The following PROX1 variants were observed in gnomAD, a reference collection of about 807,000 sequenced individuals.
PROX1 encodes the protein prospero homeobox 1, also known as prospero homeobox protein 1.
PROX1 carries 7 observed loss-of-function variants against 58.8 expected under a neutral mutation model. The ratio of observed to expected loss-of-function variants is 0.12; its 90% CI spans 0.07 to 0.22. The LOEUF (loss-of-function observed/expected upper bound fraction) is 0.22. Ranked by LOEUF, PROX1 falls within the 10% of genes least tolerant of loss-of-function variation. PROX1 has a pLI of 1.00. For synonymous variants in PROX1, 350 were observed against 358.3 expected, an observed-to-expected ratio of 0.98 and a Z score of 0.26; for missense variants, 675 against 927.8, an observed-to-expected ratio of 0.73 and a Z score of 3.54.
At chr1:214,019,031 A>C (rs1477631530) in intron 4 of PROX1, among the ~76,000 whole-genome samples, 1 of 152,204 alleles carries the variant, frequency 6.6e-6, no homozygotes, top group Admixed American at 6.5e-5. Context: ...TCAGCTCCTC[A>C]AACAGACTTT....
intron 4 of PROX1, 63 bp downstream of exon 4, chr1:214,011,778 T>A (rs187340081): frequency 4.3e-6 from 6 of 1,380,648 alleles, no homozygotes. Flanking sequence ...TTTATTTTCT[T>A]TAGAAATGTA....
At chr1:213,987,024 CTG>C (rs1028164610), upstream of PROX1, among the ~76,000 whole-genome samples, 2 of 152,202 alleles carry the variant, frequency 1.3e-5, no homozygotes, top group Non-Finnish European at 2.9e-5. Context: ...GGCGTCAAAA[CTG>C]TGTAAATCCT....
At chr1:213,987,439 A>AC (rs993909435), upstream of PROX1, 7 of 132,640 alleles carry the variant, frequency 5.3e-5, no homozygotes, top group Non-Finnish European at 9.7e-5. Context: ...CACCCCTAAA[A>AC]CCCCCACTTT....
At chr1:214,032,015 A>G (rs375901000) in intron 4 of PROX1, among the ~76,000 whole-genome samples, 6 of 152,212 alleles carry the variant, frequency 3.9e-5, no homozygotes, top group East Asian at 3.9e-4. Context: ...TAAGCACTAT[A>G]TTAACTAATC....
chr1:213,998,793 GC>G (rs1185058013), intron 2 of PROX1, among the ~76,000 whole-genome samples: 2 of 152,202 alleles, frequency 1.3e-5, no homozygotes, highest in Non-Finnish European at 2.9e-5. Context: ...CTTAGGAAGA[GC>G]GCTTTACAAG....
chr1:213,995,381 T>C (rs546761600), intron 1 of PROX1, among the ~76,000 whole-genome samples: 5 of 152,314 alleles, frequency 3.3e-5, no homozygotes, highest in Admixed American at 2.6e-4. Flanking sequence ...GAAGTTCATA[T>C]ACAAAGAAAT....
At chr1:214,013,241 A>T (rs1663979043) in intron 4 of PROX1, among the ~76,000 whole-genome samples, 1 of 151,960 alleles carries the variant, frequency 6.6e-6, no homozygotes, top group Non-Finnish European at 1.5e-5. Flanking sequence ...TTAAAGTCTC[A>T]GTTGTAATAG....
At chr1:213,987,172 A>G (rs2102671516), upstream of PROX1, among the ~76,000 whole-genome samples, 1 of 152,286 alleles carries the variant, frequency 6.6e-6, no homozygotes, top group South Asian at 2.1e-4. Flanking sequence ...CCAAGGGTAA[A>G]TATTCCTCTT....
chr1:214,008,651 T>G (rs1663803973), intron 3 of PROX1, among the ~76,000 whole-genome samples: 1 of 152,056 alleles, frequency 6.6e-6, no homozygotes, highest in East Asian at 1.9e-4. Context: ...TCCACCTGGG[T>G]AAGAGGTAAA....
rs1341967593 is a variant in PROX1, at chr1:214,039,370, T to C, written c.*3536T>C. The C allele has an allele frequency of 1.3e-5, 2 of 152,176 alleles. No homozygotes were observed. The highest frequency in any genetic ancestry group is 2.9e-5 in the Non-Finnish European group (2 of 68,032). 9.4% of individuals were successfully genotyped at this position (152,176 alleles called of 1,614,324 possible). A position where few individuals can be genotyped will look rare whatever the true frequency, so the allele number is the denominator to read the frequency against. The stretch of plus-strand genomic sequence containing the variant: ...TTGCTTTGTGCCTCCGAGTATTATT[T>C]AATTAAAGAAGTGTTTTATGTTTGC... On this transcript the variant is annotated 3_prime_UTR_variant, in exon 5 of 5. Transcript: ENST00000366958.
chr1:213,999,230 T>G (rs1382969574), intron 2 of PROX1, among the ~76,000 whole-genome samples: 6 of 152,164 alleles, frequency 3.9e-5, no homozygotes, highest in Admixed American at 1.3e-4. Flanking sequence ...TCTCTCTGTA[T>G]ATCGGTTCTT....
intron 2 of PROX1, among the ~76,000 whole-genome samples, chr1:214,002,231 G>T (rs1663542797): frequency 6.6e-6 from 1 of 152,038 alleles, no homozygotes; most frequent in Admixed American, 6.5e-5. Flanking sequence ...TCCTCCCGTG[G>T]CTGCTGTTTA....
intron 4 of PROX1, among the ~76,000 whole-genome samples, chr1:214,015,415 G>A (rs894959709): frequency 6.6e-6 from 1 of 152,016 alleles, no homozygotes; most frequent in Non-Finnish European, 1.5e-5. Context: ...ACTTTGAAGG[G>A]CTTCCAAAAA....
intron 4 of PROX1, chr1:214,031,034 C>CGTGTGTGTGTGTGTGTGT (rs34640999): frequency 6.9e-6 from 1 of 145,496 alleles, no homozygotes; most frequent in African/African-American, 2.5e-5. Flanking sequence ...CCCAACACAC[C>CGTGTGTGTGTGTGTGTGT]GTGTGTGTGT....
intron 1 of PROX1, chr1:213,988,869 T>C (rs1433383066): frequency 1.3e-5 from 2 of 152,168 alleles, no homozygotes; most frequent in Non-Finnish European, 2.9e-5. Flanking sequence ...AGGAGGCGTT[T>C]GCTCCCTTTC....
In PROX1 at chr1:214,023,533, T is replaced by A. The variant is rs189000216; in HGVS notation, c.2028+11818T>A. On this transcript the variant is annotated intron_variant, in intron 4 of 4. Transcript: ENST00000366958. ...CACTATGCCCAGCCAGAATTGGCAG[T>A]TTTAGATGATATAACTACCTTCCCT... 9.7e-4 allele frequency among the ~76,000 whole-genome samples: 147 copies of A among 152,176 alleles called. 1 individual carries two copies. Among genetic ancestry groups the A allele is most frequent in the African/African-American group, 3.3e-3 (138 of 41,522 alleles).
chr1:214,005,570 A>T (rs1663679365), intron 3 of PROX1, among the ~76,000 whole-genome samples: 1 of 152,134 alleles, frequency 6.6e-6, no homozygotes, highest in Non-Finnish European at 1.5e-5. Flanking sequence ...CTGGTAATGG[A>T]TGGGTGTGCT....
At chr1:214,017,430 T>C (rs1461698074) in intron 4 of PROX1, among the ~76,000 whole-genome samples, 1 of 152,170 alleles carries the variant, frequency 6.6e-6, no homozygotes, top group Non-Finnish European at 1.5e-5. Flanking sequence ...CTCCATTTAA[T>C]GTAGGAGAAA....
chr1:214,006,967 C>A (rs114839307), intron 3 of PROX1, among the ~76,000 whole-genome samples: 2,187 of 152,308 alleles, frequency 0.014, 43 homozygotes, highest in African/African-American at 0.049. Context: ...ACACAGCCAC[C>A]TGGAGGGTGG....
Sources: allele counts gnomAD v4.1 joint callset (sites outside exome capture counted in the v4.1 genomes callset), GRCh38; gene constraint gnomAD v4.1.1; transcripts MANE v1.5; gene names NCBI Gene and HGNC (gene_info 2026-07-23, HGNC 2026-07-21).